Variants in NKAIN2 observed in about 807,000 individuals in gnomAD.
NKAIN2 encodes the protein sodium/potassium transporting ATPase interacting 2.
Under a neutral mutation model 32.6 loss-of-function variants are expected in NKAIN2, and 14 were observed. The ratio of observed to expected loss-of-function variants is 0.43; its 90% CI spans 0.28 to 0.67. The LOEUF (loss-of-function observed/expected upper bound fraction) is 0.67, where lower values mean the gene tolerates loss of function less well. Ranked by LOEUF, NKAIN2 falls within the 30% of genes least tolerant of loss-of-function variation. NKAIN2 has a pLI of 0.17. For missense variants in NKAIN2, 198 were observed against 258.3 expected (o/e 0.77, Z 1.60); for synonymous variants, 80 against 87.2 (o/e 0.92, Z 0.46).
At chr6:123,815,764 A>G (rs1421331457) in intron 1 of NKAIN2, among the ~76,000 whole-genome samples, 1 of 152,144 alleles carries the variant, frequency 6.6e-6, no homozygotes, top group Non-Finnish European at 1.5e-5. Flanking sequence ...CATACTTGAT[A>G]TATACAATTA....
chr6:124,818,642 T>A (rs1781271682), intron 6 of NKAIN2, among the ~76,000 whole-genome samples, 174 bp downstream of exon 6: 1 of 152,172 alleles, frequency 6.6e-6, no homozygotes, highest in African/African-American at 2.4e-5. Context: ...CATGAATTTT[T>A]CTTATTTGAC....
intron 1 of NKAIN2, among the ~76,000 whole-genome samples, chr6:124,026,413 T>G (rs1466876519): frequency 6.6e-6 from 1 of 152,198 alleles, no homozygotes; most frequent in African/African-American, 2.4e-5. Context: ...TCCTAGTAAC[T>G]CTTTATGAAT....
chr6:123,953,691 G>A (rs1382717838), intron 1 of NKAIN2, among the ~76,000 whole-genome samples: 1 of 152,126 alleles, frequency 6.6e-6, no homozygotes, highest in Non-Finnish European at 1.5e-5. Flanking sequence ...CAGCATGTTT[G>A]GACACCTTTG....
intron 3 of NKAIN2, among the ~76,000 whole-genome samples, chr6:124,531,504 T>G (rs143574728): frequency 1.3e-4 from 20 of 152,358 alleles, no homozygotes; most frequent in African/African-American, 4.8e-4. Context: ...GTTCTGTGTT[T>G]TCCTTTTTTG....
intron 2 of NKAIN2, among the ~76,000 whole-genome samples, chr6:124,289,539 C>T (rs532437043): frequency 2.6e-5 from 4 of 152,172 alleles, no homozygotes; most frequent in East Asian, 1.9e-4. Flanking sequence ...TCTATAGACA[C>T]CTTAGTGGTT....
chr6:123,905,878 A>G (rs977936457), intron 1 of NKAIN2, among the ~76,000 whole-genome samples: 1 of 152,054 alleles, frequency 6.6e-6, no homozygotes, highest in African/African-American at 2.4e-5. Flanking sequence ...TTAATCTTTG[A>G]CTCTATATAA....
intron 3 of NKAIN2, among the ~76,000 whole-genome samples, chr6:124,557,338 C>A (rs1197950821): frequency 6.6e-6 from 1 of 152,058 alleles, no homozygotes; most frequent in Non-Finnish European, 1.5e-5. Context: ...AGATGACTTG[C>A]CTTTCCCTAA....
chr6:124,236,021 T>A (rs927248460), intron 1 of NKAIN2, among the ~76,000 whole-genome samples: 4 of 152,110 alleles, frequency 2.6e-5, no homozygotes, highest in African/African-American at 9.7e-5. Context: ...TTATAAAATG[T>A]TTCTAGGGAA....
At chr6:124,254,360 A>G (rs1317473743) in intron 1 of NKAIN2, among the ~76,000 whole-genome samples, 1 of 152,212 alleles carries the variant, frequency 6.6e-6, no homozygotes, top group Non-Finnish European at 1.5e-5. Context: ...TGAGAGCAAC[A>G]TCTGTCAAAG....
At chr6:124,151,204 A>G (rs1018747350) in intron 1 of NKAIN2, among the ~76,000 whole-genome samples, 2 of 151,976 alleles carry the variant, frequency 1.3e-5, no homozygotes, top group African/African-American at 4.8e-5. Context: ...TAACAAAACA[A>G]AAGATATACA....
intron 1 of NKAIN2, among the ~76,000 whole-genome samples, chr6:123,858,758 A>G (rs2114973354): frequency 6.6e-6 from 1 of 152,266 alleles, no homozygotes; most frequent in African/African-American, 2.4e-5. Context: ...TTGAAGCGTC[A>G]GTTTTGTGGA....
chr6:124,345,671 G>A (rs1226102046), intron 2 of NKAIN2, among the ~76,000 whole-genome samples: 26 of 151,664 alleles, frequency 1.7e-4, no homozygotes, highest in East Asian at 7.7e-4. Context: ...CTGTGGGATC[G>A]GTGATGATAT....
intron 2 of NKAIN2, among the ~76,000 whole-genome samples, chr6:124,284,239 A>G (rs1795443801): frequency 6.6e-6 from 1 of 152,142 alleles, no homozygotes. Context: ...AATGCACAAG[A>G]TATGATAGTA....
chr6:124,588,663 G>T (rs1045254408), intron 3 of NKAIN2, among the ~76,000 whole-genome samples: 1 of 152,148 alleles, frequency 6.6e-6, no homozygotes, highest in African/African-American at 2.4e-5. Flanking sequence ...TTCTCAGAAA[G>T]TAAGCCCAGA....
In NKAIN2 at chr6:123,876,828, A is replaced by C. The variant is rs866902894; in HGVS notation, c.54+72574A>C. Among the ~76,000 whole-genome samples, 3 of 152,230 alleles carry C rather than the reference A, an allele frequency of 2.0e-5. 1 individual carries two copies. The highest frequency in any genetic ancestry group is 4.1e-4 in the South Asian group (2 of 4,830). On this transcript the variant is annotated intron_variant, in intron 1 of 6. Transcript: ENST00000368417. Reference sequence around the variant, plus strand: ...ATCTTTTCTGGAAAGATTCTCATAGACATACTCAGAAATAATGTTTAATCT... The same window carrying C: ...ATCTTTTCTGGAAAGATTCTCATAGCCATACTCAGAAATAATGTTTAATCT...
At chr6:124,708,966 G>A (rs1199042716) in intron 4 of NKAIN2, among the ~76,000 whole-genome samples, 1 of 147,886 alleles carries the variant, frequency 6.8e-6, no homozygotes, top group East Asian at 2.0e-4. Flanking sequence ...TATGATATTG[G>A]CTGTGGGTTT....
intron 3 of NKAIN2, among the ~76,000 whole-genome samples, chr6:124,572,054 AT>A (rs1252930322): frequency 3.5e-4 from 54 of 152,256 alleles, no homozygotes; most frequent in African/African-American, 1.2e-3. Flanking sequence ...GTCCAGAGAC[AT>A]TTTCGGAGTC....
chr6:124,547,213 A>G (rs971838387), intron 3 of NKAIN2, among the ~76,000 whole-genome samples: 3 of 152,242 alleles, frequency 2.0e-5, no homozygotes, highest in African/African-American at 7.2e-5. Context: ...ATGGTGTTAG[A>G]GAAAATTAAA....
intron 2 of NKAIN2, among the ~76,000 whole-genome samples, chr6:124,299,009 T>G (rs530808002): frequency 6.6e-6 from 1 of 152,212 alleles, no homozygotes; most frequent in Non-Finnish European, 1.5e-5. Context: ...TTAATCCACT[T>G]AAATGTTTTT....
Sources: allele counts gnomAD v4.1 joint callset (sites outside exome capture counted in the v4.1 genomes callset), GRCh38; gene constraint gnomAD v4.1.1; transcripts MANE v1.5; gene names NCBI Gene and HGNC (gene_info 2026-07-23, HGNC 2026-07-21).